IPPK: variants seen among roughly 807,000 people sequenced by gnomAD.
IPPK encodes IPK1 homolog.
Under a neutral mutation model 64.6 loss-of-function variants are expected in IPPK, and 22 were observed. The observed-to-expected ratio is 0.34, with a 90% CI of 0.24 to 0.49. The LOEUF (loss-of-function observed/expected upper bound fraction) is 0.49. IPPK is among the 20% of genes least tolerant of loss of function. The pLI is 0.99. For missense variants in IPPK, 532 were observed against 630.7 expected (o/e 0.84, Z 1.68); for synonymous variants, 262 against 247.2 (o/e 1.06, Z -0.56).
chr9:92,648,314 C>T (rs1258370953), intron 5 of IPPK, among the ~76,000 whole-genome samples, 166 bp from the exon 6 acceptor site: 3 of 152,232 alleles, frequency 2.0e-5, no homozygotes, highest in African/African-American at 7.2e-5. Flanking sequence ...ACACTTCCTG[C>T]ATCAGATCAC....
At chr9:92,629,630 T>C (rs1851797461) in intron 11 of IPPK, among the ~76,000 whole-genome samples, 2 of 149,676 alleles carry the variant, frequency 1.3e-5, no homozygotes, top group African/African-American at 2.5e-5. Context: ...TGTGCACTTA[T>C]AGTTAGTCCC....
At chr9:92,651,896 A>T (rs1347239041) in intron 4 of IPPK, among the ~76,000 whole-genome samples, 1 of 151,680 alleles carries the variant, frequency 6.6e-6, no homozygotes, top group African/African-American at 2.4e-5. Flanking sequence ...TTGTACATAT[A>T]TATATTTTGT....
At chr9:92,636,240 G>A (rs759899929) in intron 9 of IPPK, among the ~76,000 whole-genome samples, 2 of 152,214 alleles carry the variant, frequency 1.3e-5, no homozygotes, top group Non-Finnish European at 2.9e-5. Context: ...GACCCGGCAC[G>A]AAAATGCCAA....
At chr9:92,661,453 T>C (rs1298062325) in intron 1 of IPPK, among the ~76,000 whole-genome samples, 3 of 152,172 alleles carry the variant, frequency 2.0e-5, no homozygotes, top group African/African-American at 7.2e-5. Flanking sequence ...GGAGAGGATA[T>C]GGACACAGGC....
rs2131406532 is a variant in IPPK, at chr9:92,614,549, A to C, written c.*1283T>G. ...ATGACAGAATTGAACAATAAATTCT[A>C]GAAGAGTTGCCTTGATTCAAACAAG... is the stretch of plus-strand genomic sequence containing the variant. On this transcript the variant is annotated 3_prime_UTR_variant, in exon 13 of 13. Transcript: ENST00000287996. The C allele has an allele frequency of 6.5e-6, 1 of 152,834 alleles. No homozygotes were observed. The highest frequency in any genetic ancestry group is 3.4e-3 in the Middle Eastern group (1 of 294). 9.5% of individuals were successfully genotyped at this position (152,834 alleles called of 1,614,324 possible).
intron 11 of IPPK, among the ~76,000 whole-genome samples, chr9:92,623,011 A>G (rs994594765): frequency 1.3e-5 from 2 of 152,208 alleles, no homozygotes; most frequent in Non-Finnish European, 2.9e-5. Flanking sequence ...AAAACAATAA[A>G]TTTTCTAAAG....
In IPPK at chr9:92,634,494, G is replaced by A. The variant is rs1238748694; in HGVS notation, c.1068-6C>T. On this transcript the variant is annotated splice_polypyrimidine_tract_variant and splice_region_variant and intron_variant, in intron 10 of 12. Transcript: ENST00000287996. ...CATCTATTTGTAAGGTTTTTCTGAA[G>A]AAGAAAGCACAATAAAAACAGGATG... 1.2e-6 allele frequency: 2 copies of A among 1,604,424 alleles called. No homozygotes were observed. Among genetic ancestry groups the A allele is most frequent in the East Asian group, 4.5e-5 (2 of 44,848 alleles).
chr9:92,649,597 C>G (rs201611718), intron 4 of IPPK, 23 bp from the exon 5 acceptor site: 1 of 1,613,218 alleles, frequency 6.2e-7, no homozygotes, highest in Admixed American at 1.7e-5. Flanking sequence ...GCAAGGGTCA[C>G]ACAGAGCAAG....
At chr9:92,618,550 A>G in intron 12 of IPPK, 1 of 456,648 alleles carries the variant, frequency 2.2e-6, no homozygotes, top group Non-Finnish European at 4.4e-6. Context: ...GAACAGTGGT[A>G]TCTTCGTGGG....
intron 1 of IPPK, among the ~76,000 whole-genome samples, chr9:92,662,383 C>A (rs973222765): frequency 6.6e-6 from 1 of 151,926 alleles, no homozygotes; most frequent in Admixed American, 6.6e-5. Context: ...AAAATTAGCC[C>A]GGCGTGGTGG....
intron 4 of IPPK, among the ~76,000 whole-genome samples, chr9:92,651,984 T>C (rs1038286208): frequency 6.6e-6 from 1 of 152,016 alleles, no homozygotes; most frequent in Non-Finnish European, 1.5e-5. Flanking sequence ...TCAGGTGACC[T>C]GCCTGCCTCA....
In IPPK at chr9:92,613,355, G is replaced by A. The variant is rs1338140304; in HGVS notation, c.*2477C>T. The A allele has an allele frequency of 5.6e-6, 3 of 538,794 alleles. No homozygotes were observed. The highest frequency in any genetic ancestry group is 1.9e-5 in the African/African-American group (1 of 52,390). The allele number at this position is 538,794 out of a possible 1,614,324, so 33.4% of individuals were successfully genotyped here. A position where few individuals can be genotyped will look rare whatever the true frequency, so the allele number is the denominator to read the frequency against. ...ATAAAATGCCAAATAAAAGTGACAC[G>A]TACAATGTGGTTTATAAAAATAAGC... is the stretch of plus-strand genomic sequence containing the variant. On this transcript the variant is annotated 3_prime_UTR_variant, in exon 13 of 13. Transcript: ENST00000287996.
Position 92,670,083 on chromosome 9 carries a change from G to T in IPPK, c.-95C>A, listed in dbSNP as rs1461574994. On this transcript the variant is annotated 5_prime_UTR_variant, in exon 1 of 13. Transcript: ENST00000287996. ...TGGGAACCAGCCGCTGCGGTCGGGGGAGGAGCGCCTGTCAGCTGCCGCCCC... is the reference window on the plus strand; with the variant it reads ...TGGGAACCAGCCGCTGCGGTCGGGGTAGGAGCGCCTGTCAGCTGCCGCCCC... 13 of 857,226 alleles carry T rather than the reference G, an allele frequency of 1.5e-5. No individual in the cohort carries two copies. Among genetic ancestry groups the T allele is most frequent in the African/African-American group, 9.0e-5 (5 of 55,434 alleles). 53.1% of individuals were successfully genotyped at this position (857,226 alleles called of 1,614,324 possible). A position where few individuals can be genotyped will look rare whatever the true frequency, so the allele number is the denominator to read the frequency against.
intron 1 of IPPK, among the ~76,000 whole-genome samples, chr9:92,669,416 G>T (rs548146807): frequency 1.3e-5 from 2 of 152,208 alleles, no homozygotes; most frequent in Non-Finnish European, 2.9e-5. Context: ...CAGCAATTCC[G>T]TAGTCTCACG....
chr9:92,627,412 A>T (rs1851753755), intron 11 of IPPK, among the ~76,000 whole-genome samples: 1 of 152,166 alleles, frequency 6.6e-6, no homozygotes, highest in African/African-American at 2.4e-5. Context: ...AGAAAACGAA[A>T]CTACACACTA....
At chr9:92,653,707 G>A (rs1259325899) in intron 3 of IPPK, among the ~76,000 whole-genome samples, 1 of 152,096 alleles carries the variant, frequency 6.6e-6, no homozygotes, top group Admixed American at 6.6e-5. Flanking sequence ...AAATTAGCCG[G>A]GTGTGGTGGC....
At chr9:92,620,175 T>C (rs1851583592) in intron 11 of IPPK, 1 of 156,250 alleles carries the variant, frequency 6.4e-6, no homozygotes, top group African/African-American at 2.4e-5. Context: ...TTGTCTGTCA[T>C]GCCCTGCTTG....
chr9:92,664,623 T>C (rs1474440022), intron 1 of IPPK, among the ~76,000 whole-genome samples: 1 of 152,064 alleles, frequency 6.6e-6, no homozygotes. Context: ...CCTATAGGCA[T>C]GGAAAGCCTC....
At chr9:92,667,067 C>T (rs1034580293) in intron 1 of IPPK, among the ~76,000 whole-genome samples, 2 of 152,236 alleles carry the variant, frequency 1.3e-5, no homozygotes, top group African/African-American at 4.8e-5. Flanking sequence ...ATCATGTTCT[C>T]ATGGTAGAGG....
Sources: allele counts gnomAD v4.1 joint callset (sites outside exome capture counted in the v4.1 genomes callset), GRCh38; gene constraint gnomAD v4.1.1; transcripts MANE v1.5; gene names NCBI Gene and HGNC (gene_info 2026-07-23, HGNC 2026-07-21).